ADARB2: variants seen among roughly 807,000 people sequenced by gnomAD.
The protein encoded by ADARB2 is inactive double-stranded RNA-specific editase B2.
Under a neutral mutation model 62.2 loss-of-function variants are expected in ADARB2, and 25 were observed. That is an observed-to-expected ratio of 0.40 (90% CI 0.29 to 0.56). ADARB2 has a LOEUF of 0.56. ADARB2 is among the 20% of genes least tolerant of loss of function. ADARB2 has a pLI of 0.43. For synonymous variants in ADARB2, 572 were observed against 500.8 expected (o/e 1.14, Z -1.90); for missense variants, 1,071 against 1,077.4 (o/e 0.99, Z 0.08).
chr10:1,521,955 C>T (rs899615136), intron 1 of ADARB2, among the ~76,000 whole-genome samples: 3 of 152,166 alleles, frequency 2.0e-5, no homozygotes, highest in South Asian at 2.1e-4. Flanking sequence ...AGGGCTGTGT[C>T]GTGGGCCGGG....
At chr10:1,617,405 G>A (rs369780077) in intron 1 of ADARB2, among the ~76,000 whole-genome samples, 8 of 60,988 alleles carry the variant, frequency 1.3e-4, no homozygotes, top group Admixed American at 3.9e-4. Context: ...GACACACTCC[G>A]CACCACCCTG....
intron 1 of ADARB2, among the ~76,000 whole-genome samples, chr10:1,593,960 T>C (rs1319029644): frequency 1.3e-5 from 2 of 152,180 alleles, no homozygotes; most frequent in Non-Finnish European, 2.9e-5. Flanking sequence ...AGCCATCCAG[T>C]CAGCTGCGGC....
intron 2 of ADARB2, among the ~76,000 whole-genome samples, chr10:1,366,281 T>G (rs1032319856): frequency 6.6e-6 from 1 of 152,220 alleles, no homozygotes; most frequent in Non-Finnish European, 1.5e-5. Flanking sequence ...TTGATGATGA[T>G]TTAATTTTTC....
chr10:1,410,444 T>A (rs1395835221), intron 1 of ADARB2, among the ~76,000 whole-genome samples: 1 of 152,210 alleles, frequency 6.6e-6, no homozygotes, highest in Non-Finnish European at 1.5e-5. Context: ...GCTGAGATAA[T>A]GTAATCTCAT....
chr10:1,737,069 G>A lies in ADARB2; in HGVS notation c.82C>T (p.Arg28Trp), dbSNP rs1334103357. Reference protein sequence around the residue: ...LKCKSKRRRRRRSKRKDKVSI... With the variant: ...LKCKSKRRRRWRSKRKDKVSI... ...TCCTTACCTTTCCGCTTGGACCTCCGCCTCCTCCTCCTCTTGGACTTGCAT... is the reference window on the plus strand; with the variant it reads ...TCCTTACCTTTCCGCTTGGACCTCCACCTCCTCCTCCTCTTGGACTTGCAT... Residue 28 changes from arginine to tryptophan, a missense_variant, in exon 1 of 10, where the codon CGG becomes TGG. Arg to Trp is a moderately radical substitution (Grantham distance 101). Transcript: ENST00000381312. 5 of 1,611,654 alleles carry A rather than the reference G, an allele frequency of 3.1e-6. No individual in the cohort carries two copies. Among genetic ancestry groups the A allele is most frequent in the South Asian group, 1.1e-5 (1 of 91,084 alleles).
chr10:1,472,679 C>T (rs114254300), intron 1 of ADARB2, among the ~76,000 whole-genome samples: 167 of 152,310 alleles, frequency 1.1e-3, no homozygotes, highest in African/African-American at 3.7e-3. Context: ...ACCTCTTGAT[C>T]GCTCTGTGCA....
At chr10:1,609,292 T>C (rs758369925) in intron 1 of ADARB2, among the ~76,000 whole-genome samples, 1 of 152,366 alleles carries the variant, frequency 6.6e-6, no homozygotes, top group African/African-American at 2.4e-5. Flanking sequence ...AAACGGGCTA[T>C]AATAGCTAGT....
At chr10:1,419,250 CG>C (rs1302618004) in intron 1 of ADARB2, among the ~76,000 whole-genome samples, 10 of 152,174 alleles carry the variant, frequency 6.6e-5, no homozygotes, top group Non-Finnish European at 8.8e-5. Flanking sequence ...CCCGCCACCA[CG>C]CCCGTCTAAT....
At chr10:1,473,092 A>G (rs1831348136) in intron 1 of ADARB2, among the ~76,000 whole-genome samples, 1 of 152,208 alleles carries the variant, frequency 6.6e-6, no homozygotes, top group Non-Finnish European at 1.5e-5. Context: ...CCCTGGAAGC[A>G]TGACAATGGA....
intron 1 of ADARB2, among the ~76,000 whole-genome samples, chr10:1,598,533 T>C (rs943640708): frequency 6.6e-6 from 1 of 152,168 alleles, no homozygotes; most frequent in Non-Finnish European, 1.5e-5. Context: ...CGGGTGGCGA[T>C]GTGGCCCATT....
intron 1 of ADARB2, among the ~76,000 whole-genome samples, chr10:1,588,039 C>T (rs532530740): frequency 4.3e-4 from 66 of 152,250 alleles, no homozygotes; most frequent in African/African-American, 1.4e-3. Context: ...TGAAAGCGGA[C>T]TAATGCAACA....
intron 4 of ADARB2, among the ~76,000 whole-genome samples, chr10:1,266,546 C>T (rs1362323442): frequency 6.6e-6 from 1 of 152,044 alleles, no homozygotes; most frequent in South Asian, 2.1e-4. Flanking sequence ...CCTAAGGAGA[C>T]CTGAGCTGAT....
In ADARB2 at chr10:1,363,836, C is replaced by T. The variant is rs568793305; in HGVS notation, c.269G>A (p.Arg90Gln). The T allele has an allele frequency of 5.8e-6, 9 of 1,560,710 alleles. No individual in the cohort carries two copies. Among genetic ancestry groups the T allele is most frequent in the South Asian group, 1.2e-5 (1 of 86,636 alleles). The change falls in exon 3 of 10, where the codon CGG becomes CAG. Residue 90 changes from arginine (R) to glutamine (Q), a missense_variant. Coordinates refer to ENST00000381312, the MANE Select transcript of ADARB2 (RefSeq NM_018702.4). ...CCTCTTCGCGCCGGGCGCGCCGCCC[C>T]GGGCCCGGTCCCCGGAGGGCGGTGG... ...ARPPPSGDRA[R>Q]GGAPGAKRKR...
chr10:1,266,552 C>A (rs897892766), intron 4 of ADARB2, among the ~76,000 whole-genome samples: 1 of 152,036 alleles, frequency 6.6e-6, no homozygotes, highest in South Asian at 2.1e-4. Context: ...GAGACCTGAG[C>A]TGATGGAAAT....
In ADARB2 at chr10:1,542,701, T is replaced by C. The variant is rs1299855400; in HGVS notation, c.101-163541A>G. Reference sequence around the variant, plus strand: ...CCCCACTCAGACGCAGTTCGGACCCTGGATCACAGCCGTCCAGACCCCACT... The same window carrying C: ...CCCCACTCAGACGCAGTTCGGACCCCGGATCACAGCCGTCCAGACCCCACT... On this transcript the variant is annotated intron_variant, in intron 1 of 9. Transcript: ENST00000381312. Among the ~76,000 whole-genome samples, 121 of 41,898 alleles carry C rather than the reference T, an allele frequency of 2.9e-3. 2 individuals carry two copies. The highest frequency in any genetic ancestry group is 3.9e-3 in the Non-Finnish European group (82 of 21,232). The allele number at this position is 41,898 out of a possible 152,430, so 27.5% of individuals were successfully genotyped here.
intron 1 of ADARB2, among the ~76,000 whole-genome samples, chr10:1,551,688 G>A (rs997766493): frequency 5.9e-5 from 9 of 152,216 alleles, no homozygotes; most frequent in Non-Finnish European, 8.8e-5. Flanking sequence ...GGGAGCACCT[G>A]AGGCGCCAGG....
intron 7 of ADARB2, among the ~76,000 whole-genome samples, chr10:1,206,781 C>T (rs779067850): frequency 6.6e-6 from 1 of 152,138 alleles, no homozygotes; most frequent in South Asian, 2.1e-4. Context: ...CCACTCAGCC[C>T]GGCCTCGTGT....
At chr10:1,421,941 A>C (rs1482729064) in intron 1 of ADARB2, among the ~76,000 whole-genome samples, 1 of 152,216 alleles carries the variant, frequency 6.6e-6, no homozygotes, top group East Asian at 1.9e-4. Context: ...ATCTCAGGTT[A>C]TTTGAAGAGA....
At chr10:1,242,026 G>A (rs1589163160) in intron 5 of ADARB2, 105 bp downstream of exon 5, 3 of 1,250,104 alleles carry the variant, frequency 2.4e-6, no homozygotes, top group Non-Finnish European at 3.3e-6. Context: ...CCTGTGCCAG[G>A]ATAGAGGGAA....
Sources: gnomAD v4.1 joint callset for allele counts (sites outside exome capture counted in the v4.1 genomes callset) on GRCh38, gnomAD v4.1.1 for gene constraint, MANE v1.5 for transcripts, NCBI Gene and HGNC (gene_info 2026-07-23, HGNC 2026-07-21) for gene names.